ZFAND3: variants seen among roughly 807,000 people sequenced by gnomAD.
The protein encoded by ZFAND3 is zinc finger AN1-type containing 3.
Under a neutral mutation model 29.6 loss-of-function variants are expected in ZFAND3, and 10 were observed. That is an observed-to-expected ratio of 0.34 (90% CI 0.21 to 0.57). ZFAND3 has a LOEUF of 0.57. Ranked by LOEUF, ZFAND3 falls within the 20% of genes least tolerant of loss-of-function variation. The pLI is 0.86. For synonymous variants in ZFAND3, 128 were observed against 112.6 expected (o/e 1.14, Z -0.87); for missense variants, 230 against 304.5 (o/e 0.76, Z 1.82).
intron 2 of ZFAND3, among the ~76,000 whole-genome samples, chr6:38,040,706 A>G (rs1001858034): frequency 6.6e-6 from 1 of 152,136 alleles, no homozygotes; most frequent in Non-Finnish European, 1.5e-5. Context: ...GTATGTTTGT[A>G]TGTACACACA....
intron 2 of ZFAND3, among the ~76,000 whole-genome samples, chr6:37,954,301 C>A (rs1206794263): frequency 6.6e-6 from 1 of 152,068 alleles, no homozygotes; most frequent in Non-Finnish European, 1.5e-5. Flanking sequence ...TTAAACACCT[C>A]CCTTCCCTCT....
intron 5 of ZFAND3, among the ~76,000 whole-genome samples, chr6:38,144,189 A>ATATTATATATATATAT: frequency 2.4e-5 from 1 of 41,750 alleles, no homozygotes; most frequent in African/African-American, 1.4e-4. Context: ...TATATAATAT[A>ATATTATATATATATAT]TATATATATA....
chr6:38,099,529 TA>T (rs905229306), intron 4 of ZFAND3, among the ~76,000 whole-genome samples: 1 of 152,192 alleles, frequency 6.6e-6, no homozygotes. Context: ...GAATTTTAAA[TA>T]AACTACACCT....
intron 1 of ZFAND3, among the ~76,000 whole-genome samples, chr6:37,884,181 A>G (rs1310826483): frequency 2.1e-5 from 3 of 145,498 alleles, no homozygotes; most frequent in African/African-American, 8.3e-5. Flanking sequence ...ACCTTGATTC[A>G]GGAAAGTGAG....
At chr6:37,889,460 G>A (rs1245342279) in intron 1 of ZFAND3, among the ~76,000 whole-genome samples, 2 of 152,206 alleles carry the variant, frequency 1.3e-5, no homozygotes, top group Non-Finnish European at 2.9e-5. Context: ...AGTAAATGGG[G>A]ATTTTATTAG....
chr6:37,870,694 G>C (rs948576351), intron 1 of ZFAND3, among the ~76,000 whole-genome samples: 2 of 151,308 alleles, frequency 1.3e-5, no homozygotes, highest in Non-Finnish European at 2.9e-5. Flanking sequence ...ATTCTTTTGT[G>C]AATGAATGAG....
chr6:37,905,285 T>A (rs1250468473), intron 1 of ZFAND3, among the ~76,000 whole-genome samples: 1 of 152,188 alleles, frequency 6.6e-6, no homozygotes, highest in Non-Finnish European at 1.5e-5. Context: ...CTCTTGGGCA[T>A]TGACCCAACG....
intron 2 of ZFAND3, among the ~76,000 whole-genome samples, chr6:37,971,913 T>C (rs541479914): frequency 1.3e-5 from 2 of 151,694 alleles, no homozygotes; most frequent in African/African-American, 4.8e-5. Context: ...AGTGGGAGGA[T>C]TGCTTGAGCC....
intron 1 of ZFAND3, among the ~76,000 whole-genome samples, chr6:37,844,576 C>A (rs115547387): frequency 4.6e-5 from 7 of 152,082 alleles, no homozygotes; most frequent in Middle Eastern, 3.4e-3. Flanking sequence ...CCACTGCGCC[C>A]GGCCAGTTTT....
chr6:37,897,113 A>G (rs1411920099), intron 1 of ZFAND3, among the ~76,000 whole-genome samples: 1 of 152,188 alleles, frequency 6.6e-6, no homozygotes, highest in Non-Finnish European at 1.5e-5. Flanking sequence ...TTCTATCTAT[A>G]TATGTCTATA....
At chr6:37,873,834 T>C (rs1764743861) in intron 1 of ZFAND3, among the ~76,000 whole-genome samples, 1 of 152,236 alleles carries the variant, frequency 6.6e-6, no homozygotes. Flanking sequence ...CAGTTTGTCA[T>C]AGGTAATACA....
intron 5 of ZFAND3, among the ~76,000 whole-genome samples, chr6:38,124,529 G>T (rs988105571): frequency 7.9e-5 from 12 of 152,224 alleles, no homozygotes; most frequent in Non-Finnish European, 1.5e-4. Context: ...AGTGCCGGTG[G>T]GCCGCACTGC....
At chr6:37,905,160 A>C (rs749052511) in intron 1 of ZFAND3, among the ~76,000 whole-genome samples, 1 of 152,100 alleles carries the variant, frequency 6.6e-6, no homozygotes, top group Non-Finnish European at 1.5e-5. Context: ...TTGTACTCCA[A>C]AGTCAGTATA....
chr6:37,988,369 C>G (rs1762705017), intron 2 of ZFAND3, among the ~76,000 whole-genome samples: 1 of 152,170 alleles, frequency 6.6e-6, no homozygotes, highest in South Asian at 2.1e-4. Flanking sequence ...TTTACTCCTG[C>G]CAAACTTTGT....
chr6:38,013,438 A>C (rs759607156), intron 2 of ZFAND3, among the ~76,000 whole-genome samples: 2 of 152,340 alleles, frequency 1.3e-5, no homozygotes, highest in South Asian at 2.1e-4. Context: ...TGTTTGATAT[A>C]GTACATACTG....
At chr6:38,014,212 A>G (rs1763212523) in intron 2 of ZFAND3, among the ~76,000 whole-genome samples, 1 of 152,180 alleles carries the variant, frequency 6.6e-6, no homozygotes, top group Non-Finnish European at 1.5e-5. Flanking sequence ...GTAAGTTTGT[A>G]AAACTTTTTA....
At chr6:37,893,297 A>G (rs553361576) in intron 1 of ZFAND3, among the ~76,000 whole-genome samples, 10 of 152,392 alleles carry the variant, frequency 6.6e-5, no homozygotes, top group South Asian at 2.1e-4. Context: ...CTGAAAATCA[A>G]TTAATGTAAT....
chr6:38,129,549 A>G (rs1765703679), intron 5 of ZFAND3, among the ~76,000 whole-genome samples: 1 of 152,328 alleles, frequency 6.6e-6, no homozygotes, highest in South Asian at 2.1e-4. Context: ...GTGGCTAGCC[A>G]ATTATCCTAG....
At chr6:37,913,280 A>G (rs928627505) in intron 1 of ZFAND3, among the ~76,000 whole-genome samples, 2 of 152,192 alleles carry the variant, frequency 1.3e-5, no homozygotes, top group Non-Finnish European at 2.9e-5. Flanking sequence ...ATTGGAATCA[A>G]TCCTCTCGAA....
Sources: allele counts gnomAD v4.1 joint callset (sites outside exome capture counted in the v4.1 genomes callset), GRCh38; gene constraint gnomAD v4.1.1; transcripts MANE v1.5; gene names NCBI Gene and HGNC (gene_info 2026-07-23, HGNC 2026-07-21).